Variants in CRPPA observed in about 807,000 individuals in gnomAD.
The protein encoded by CRPPA is D-ribitol-5-phosphate cytidylyltransferase.
In CRPPA, 43 loss-of-function variants were observed where a neutral mutation model predicts 52.0. The ratio of observed to expected loss-of-function variants is 0.83; its 90% CI spans 0.65 to 1.07. The LOEUF (loss-of-function observed/expected upper bound fraction) is 1.07. Among genes scored for constraint, CRPPA ranks in the 50% least tolerant of loss-of-function variants. The probability of loss-of-function intolerance (pLI) is 0.00; values close to 1 mark genes in which losing one functional copy is unlikely to be tolerated. For synonymous variants in CRPPA, 250 were observed against 203.5 expected (o/e 1.23, Z -1.94); for missense variants, 629 against 551.7 (o/e 1.14, Z -1.40).
At chr7:16,127,056 G>A (rs1043643338) in intron 9 of CRPPA, among the ~76,000 whole-genome samples, 1 of 152,154 alleles carries the variant, frequency 6.6e-6, no homozygotes, top group Admixed American at 6.5e-5. Flanking sequence ...ACTACATTGT[G>A]AGAAAGAAGT....
chr7:16,284,964 T>TC (rs565646817), intron 5 of CRPPA, among the ~76,000 whole-genome samples: 8 of 152,046 alleles, frequency 5.3e-5, no homozygotes, highest in Non-Finnish European at 1.2e-4. Flanking sequence ...TATTCGAGGA[T>TC]CCCCAAACTA....
intron 6 of CRPPA, 96 bp from the exon 7 acceptor site, chr7:16,259,108 A>T: frequency 1.4e-6 from 1 of 739,162 alleles, no homozygotes; most frequent in Non-Finnish European, 2.1e-6. Context: ...AAGGCCCATA[A>T]AGCCAAGGAC....
chr7:16,102,419 A>G (rs1310541207), intron 9 of CRPPA, among the ~76,000 whole-genome samples: 3 of 152,176 alleles, frequency 2.0e-5, no homozygotes, highest in South Asian at 2.1e-4. Flanking sequence ...TGACTAAAAC[A>G]CCAAAAGCAA....
At chr7:16,248,623 C>T (rs1034714231) in intron 8 of CRPPA, among the ~76,000 whole-genome samples, 29 of 152,130 alleles carry the variant, frequency 1.9e-4, no homozygotes, top group African/African-American at 6.3e-4. Context: ...GAACAGCTCC[C>T]GTCTGCAGCT....
rs201281490 is a variant in CRPPA, at chr7:16,383,042, C to T, written c.535-6801G>A. Among the ~76,000 whole-genome samples, 49 of 152,340 alleles carry T rather than the reference C, an allele frequency of 3.2e-4. No individual in the cohort carries two copies. The East Asian group carries it at 6.6e-3, about 20-fold the overall frequency. ...TTGTTCCATTGCTGGTGAGGAACTG[C>T]GTTCCTTTGGAGGAGGAGAAGTGCT... On this transcript the variant is annotated intron_variant, in intron 2 of 9. Coordinates refer to ENST00000407010, the MANE Select transcript of CRPPA (RefSeq NM_001101426.4).
chr7:16,305,190 A>G (rs1054183236), intron 4 of CRPPA, among the ~76,000 whole-genome samples: 1 of 152,204 alleles, frequency 6.6e-6, no homozygotes, highest in African/African-American at 2.4e-5. Context: ...GAAAATACCA[A>G]AAAAAGAAGT....
At chr7:16,283,324 T>G (rs1443404762) in intron 5 of CRPPA, among the ~76,000 whole-genome samples, 1 of 150,714 alleles carries the variant, frequency 6.6e-6, no homozygotes. Context: ...ATATATGTAT[T>G]TTATATGTTA....
chr7:16,344,891 G>A (rs1336915697), intron 3 of CRPPA, among the ~76,000 whole-genome samples: 2 of 151,458 alleles, frequency 1.3e-5, no homozygotes, highest in South Asian at 2.1e-4. Context: ...TAATCATAAT[G>A]GGAGAACCAC....
chr7:16,304,687 T>C (rs1046259244), intron 4 of CRPPA, among the ~76,000 whole-genome samples: 11 of 152,108 alleles, frequency 7.2e-5, no homozygotes, highest in African/African-American at 2.7e-4. Context: ...ATAATCCTCC[T>C]AGGATTTCTG....
intron 9 of CRPPA, among the ~76,000 whole-genome samples, chr7:16,116,228 C>T (rs928269607): frequency 2.0e-5 from 3 of 152,058 alleles, no homozygotes; most frequent in African/African-American, 7.2e-5. Context: ...TGATATGATG[C>T]ACTGAGAAGG....
chr7:16,126,593 T>C (rs1031854556), intron 9 of CRPPA, among the ~76,000 whole-genome samples: 1 of 152,202 alleles, frequency 6.6e-6, no homozygotes, highest in Non-Finnish European at 1.5e-5. Context: ...GAATTAAAAG[T>C]CTTTCATGTC....
intron 3 of CRPPA, among the ~76,000 whole-genome samples, chr7:16,334,895 T>A (rs1460759929): frequency 6.6e-6 from 1 of 152,086 alleles, no homozygotes; most frequent in African/African-American, 2.4e-5. Flanking sequence ...GGCATCAATG[T>A]AAAGGCATGA....
intron 9 of CRPPA, among the ~76,000 whole-genome samples, chr7:16,187,572 A>T (rs1781531174): frequency 6.6e-6 from 1 of 152,230 alleles, no homozygotes. Flanking sequence ...GCAACTCAAG[A>T]GTTTCTCAAC....
intron 6 of CRPPA, 91 bp from the exon 7 acceptor site, chr7:16,259,103 C>A (rs888126960): frequency 1.3e-6 from 1 of 795,678 alleles, no homozygotes; most frequent in East Asian, 2.9e-5. Flanking sequence ...GCTAGAAGGC[C>A]CATAAAGCCA....
At chr7:16,208,505 C>A (rs1383495100) in intron 9 of CRPPA, among the ~76,000 whole-genome samples, 2 of 152,074 alleles carry the variant, frequency 1.3e-5, no homozygotes, top group Non-Finnish European at 1.5e-5. Context: ...TCATAAAGAT[C>A]TTCTAAATTA....
chr7:16,202,004 T>A (rs1430802498), intron 9 of CRPPA, among the ~76,000 whole-genome samples: 1 of 152,170 alleles, frequency 6.6e-6, no homozygotes, highest in East Asian at 1.9e-4. Flanking sequence ...TAGATTTAGA[T>A]TTTTGGTGTA....
chr7:16,168,769 C>T (rs1046383863), intron 9 of CRPPA, among the ~76,000 whole-genome samples: 4 of 151,980 alleles, frequency 2.6e-5, no homozygotes, highest in African/African-American at 7.3e-5. Context: ...CTGACGGTTA[C>T]GTTAACAAAT....
chr7:16,406,858 T>A (rs1011029027), intron 1 of CRPPA, among the ~76,000 whole-genome samples: 2 of 152,086 alleles, frequency 1.3e-5, no homozygotes, highest in African/African-American at 4.8e-5. Flanking sequence ...GTACCTTAAA[T>A]GGGAGAAACC....
At chr7:16,294,904 G>C (rs28468590) in intron 5 of CRPPA, among the ~76,000 whole-genome samples, 3,156 of 151,850 alleles carry the variant, frequency 0.021, 104 homozygotes, top group African/African-American at 0.071. Flanking sequence ...TTGATCCAAG[G>C]GATTCAAAAA....
Sources: allele counts gnomAD v4.1 joint callset (sites outside exome capture counted in the v4.1 genomes callset), GRCh38; gene constraint gnomAD v4.1.1; transcripts MANE v1.5; gene names NCBI Gene and HGNC (gene_info 2026-07-23, HGNC 2026-07-21).